The following NEBL variants were observed in gnomAD, a reference collection of about 807,000 sequenced individuals.
NEBL encodes nebulette.
Under a neutral mutation model 140.2 loss-of-function variants are expected in NEBL, and 122 were observed. The observed-to-expected ratio is 0.87, with a 90% CI of 0.75 to 1.01. NEBL has a LOEUF of 1.01. Ranked by LOEUF, NEBL falls within the 50% of genes least tolerant of loss-of-function variation. The pLI is 0.00. For synonymous variants in NEBL, 436 were observed against 398.9 expected, an observed-to-expected ratio of 1.09 and a Z score of -1.11; for missense variants, 1,365 against 1,231.3, an observed-to-expected ratio of 1.11 and a Z score of -1.62.
chr10:21,209,036 T>C (rs2132233665), intron 3 of NEBL, among the ~76,000 whole-genome samples: 1 of 152,244 alleles, frequency 6.6e-6, no homozygotes, highest in South Asian at 2.1e-4. Context: ...CTCAGAGATG[T>C]TTAAGGAATC....
intron 19 of NEBL, among the ~76,000 whole-genome samples, chr10:20,822,654 T>C (rs899671210): frequency 1.1e-5 from 1 of 90,998 alleles, no homozygotes; most frequent in African/African-American, 3.0e-5. Context: ...ATATAGGCTA[T>C]ATATAGATAT....
upstream of NEBL, among the ~76,000 whole-genome samples, chr10:21,179,904 A>C (rs1281975709): frequency 6.6e-6 from 1 of 152,136 alleles, no homozygotes. Context: ...TTGGGAGGCC[A>C]AGGCAGGCAG....
In NEBL at chr10:20,793,270, T is replaced by A. The variant is rs1045219147; in HGVS notation, c.2762-5962A>T. The A allele has an allele frequency of 8.5e-6, 7 of 819,756 alleles. No individual in the cohort carries two copies. The Admixed American group carries it at 1.9e-4, about 22-fold the overall frequency. 50.8% of individuals were successfully genotyped at this position (819,756 alleles called of 1,614,324 possible). On this transcript the variant is annotated intron_variant, in intron 26 of 27. Transcript: ENST00000377122. ...CAAGTTTTAAAGACATGCCTAATCATCGTGATACAAAATAATTAAGCTCAA... is the reference window on the plus strand; with the variant it reads ...CAAGTTTTAAAGACATGCCTAATCAACGTGATACAAAATAATTAAGCTCAA...
chr10:21,162,397 C>A (rs1840592789), intron 2 of NEBL, among the ~76,000 whole-genome samples: 1 of 152,188 alleles, frequency 6.6e-6, no homozygotes, highest in African/African-American at 2.4e-5. Context: ...TTGGTCCAAA[C>A]TGTAGGTGAC....
At chr10:20,833,314 C>G (rs998904188) in intron 14 of NEBL, among the ~76,000 whole-genome samples, 1 of 151,994 alleles carries the variant, frequency 6.6e-6, no homozygotes, top group Non-Finnish European at 1.5e-5. Context: ...AGGCTTGACT[C>G]TTGAGGGTCA....
intron 3 of NEBL, among the ~76,000 whole-genome samples, chr10:21,200,854 T>C (rs1156703462): frequency 1.3e-5 from 2 of 152,136 alleles, no homozygotes; most frequent in East Asian, 3.9e-4. Context: ...CACCTGTAAT[T>C]CCAGCACTTT....
At chr10:20,863,079 G>A (rs570609716) in intron 7 of NEBL, among the ~76,000 whole-genome samples, 2 of 152,168 alleles carry the variant, frequency 1.3e-5, no homozygotes, top group African/African-American at 4.8e-5. Context: ...GATTTTCAGA[G>A]GCTCACACTT....
intron 1 of NEBL, among the ~76,000 whole-genome samples, chr10:21,285,351 T>C (rs1843042090): frequency 6.6e-6 from 1 of 152,212 alleles, no homozygotes; most frequent in African/African-American, 2.4e-5. Context: ...CTGACTGAGA[T>C]AGATGCATAT....
intron 3 of NEBL, among the ~76,000 whole-genome samples, chr10:21,208,611 G>A (rs1017387803): frequency 6.6e-6 from 1 of 152,178 alleles, no homozygotes; most frequent in African/African-American, 2.4e-5. Context: ...AGCATGAAAT[G>A]AGAGGGATCT....
chr10:20,822,484 GT>G (rs1839427420), intron 19 of NEBL, among the ~76,000 whole-genome samples: 1 of 151,352 alleles, frequency 6.6e-6, no homozygotes, highest in Non-Finnish European at 1.5e-5. Flanking sequence ...TTTGTGATTT[GT>G]TTTGCTTTGT....
intron 22 of NEBL, among the ~76,000 whole-genome samples, chr10:20,815,008 C>T (rs1838579981): frequency 1.3e-5 from 2 of 152,128 alleles, no homozygotes; most frequent in African/African-American, 2.4e-5. Flanking sequence ...ATCAGAACAC[C>T]GCCATTTATG....
intron 3 of NEBL, among the ~76,000 whole-genome samples, chr10:20,989,784 G>A (rs1162902797): frequency 6.6e-6 from 1 of 152,162 alleles, no homozygotes; most frequent in Non-Finnish European, 1.5e-5. Context: ...ATTTACAGGA[G>A]TAAATCTTTT....
intron 3 of NEBL, among the ~76,000 whole-genome samples, chr10:21,214,281 T>C (rs184790941): frequency 1.6e-3 from 211 of 133,882 alleles, no homozygotes; most frequent in Non-Finnish European, 2.5e-3. Context: ...CTTGCACTTA[T>C]TTTTAGTGGT....
chr10:21,062,434 G>A (rs1835346468), intron 2 of NEBL, among the ~76,000 whole-genome samples: 2 of 152,050 alleles, frequency 1.3e-5, no homozygotes, highest in South Asian at 2.1e-4. Flanking sequence ...GCGGAGGTGG[G>A]AGAATTACTT....
intron 3 of NEBL, among the ~76,000 whole-genome samples, chr10:20,993,437 C>G (rs1837547018): frequency 6.6e-6 from 1 of 152,226 alleles, no homozygotes; most frequent in Admixed American, 6.5e-5. Context: ...CACAATTATA[C>G]TGCATAGCAA....
chr10:20,796,572 A>T (rs1836567636), intron 26 of NEBL, among the ~76,000 whole-genome samples: 1 of 152,100 alleles, frequency 6.6e-6, no homozygotes, highest in Admixed American at 6.5e-5. Flanking sequence ...TTAGTCTGCA[A>T]ATGTTCTGAC....
intron 2 of NEBL, among the ~76,000 whole-genome samples, chr10:21,147,151 G>A (rs559605475): frequency 2.0e-5 from 3 of 152,176 alleles, no homozygotes; most frequent in South Asian, 2.1e-4. Flanking sequence ...ATGGAGATGC[G>A]TTTAGGACTA....
At chr10:20,990,626 C>A (rs1184762868) in intron 3 of NEBL, among the ~76,000 whole-genome samples, 1 of 152,136 alleles carries the variant, frequency 6.6e-6, no homozygotes, top group African/African-American at 2.4e-5. Context: ...TGTAACAACC[C>A]AAACTAAGAC....
chr10:21,005,467 G>T (rs955021094), intron 3 of NEBL, among the ~76,000 whole-genome samples: 14 of 151,898 alleles, frequency 9.2e-5, no homozygotes, highest in African/African-American at 3.4e-4. Flanking sequence ...AGGCACAGTG[G>T]CTTGCACCTG....
Sources: allele counts gnomAD v4.1 joint callset (sites outside exome capture counted in the v4.1 genomes callset), GRCh38; gene constraint gnomAD v4.1.1; transcripts MANE v1.5; gene names NCBI Gene and HGNC (gene_info 2026-07-23, HGNC 2026-07-21).